SV2B: variants seen among roughly 807,000 people sequenced by gnomAD.
The protein encoded by SV2B is synaptic vesicle glycoprotein 2B, also known as solute carrier family 22 member B2.
A neutral mutation model predicts 73.9 loss-of-function variants in SV2B; 41 were observed. That is an observed-to-expected ratio of 0.56 (90% CI 0.43 to 0.72). The LOEUF is 0.72. SV2B is among the 30% of genes least tolerant of loss of function. The pLI, the probability that SV2B is intolerant of heterozygous loss-of-function variation, is 0.00. For synonymous variants in SV2B, 314 were observed against 314.2 expected, an observed-to-expected ratio of 1.00 and a Z score of 0.01; for missense variants, 764 against 857.8, an observed-to-expected ratio of 0.89 and a Z score of 1.37.
chr15:91,202,599 C>T (rs901713144), intron 1 of SV2B, among the ~76,000 whole-genome samples: 4 of 152,192 alleles, frequency 2.6e-5, no homozygotes, highest in African/African-American at 4.8e-5. Context: ...GTGGCTGGCA[C>T]ATGGTACCTG....
rs1264250619 is a variant in SV2B at position 91,280,509 on chromosome 15, A to G, written c.1374-1219A>G. The stretch of plus-strand genomic sequence containing the variant: ...AAGTGAATGAATAGAAGAATGAAAG[A>G]AAGTGTTGTAATTATTTGCAAATGA... On this transcript the variant is annotated intron_variant, in intron 9 of 12. Coordinates refer to ENST00000394232, the MANE Select transcript of SV2B (RefSeq NM_001323032.3). This position sits in a 1 kb window ranked among gnomAD's most constrained non-coding sequence, Gnocchi z 5.8. Among the ~76,000 whole-genome samples, 1 of 152,258 alleles carries G rather than the reference A, an allele frequency of 6.6e-6. No individual in the cohort carries two copies. Among genetic ancestry groups the G allele is most frequent in the African/African-American group, 2.4e-5 (1 of 41,470 alleles).
chr15:91,201,493 C>T (rs1292531889), intron 1 of SV2B, among the ~76,000 whole-genome samples: 3 of 152,194 alleles, frequency 2.0e-5, no homozygotes, highest in Non-Finnish European at 4.4e-5. Flanking sequence ...TCTGGGTAGC[C>T]TGGCTGTAGA....
chr15:91,173,403 G>C (rs942103313), intron 1 of SV2B, among the ~76,000 whole-genome samples: 1 of 152,108 alleles, frequency 6.6e-6, no homozygotes, highest in African/African-American at 2.4e-5. Context: ...GCTTAGGCAG[G>C]GTCTGATCTT....
rs184366556 is a variant in SV2B at position 91,269,523 on chromosome 15, C to T, written c.1373+918C>T. ...CCACTTCAATACAAAATTAACACCACGAATTCTCACCTCTGGTGAATGTTG... is the reference window on the plus strand; with the variant it reads ...CCACTTCAATACAAAATTAACACCATGAATTCTCACCTCTGGTGAATGTTG... On this transcript the variant is annotated intron_variant, in intron 9 of 12. Transcript: ENST00000394232. 9.7e-4 allele frequency among the ~76,000 whole-genome samples: 148 copies of T among 152,296 alleles called. 1 individual carries two copies. Among genetic ancestry groups the T allele is most frequent in the African/African-American group, 2.5e-3 (102 of 41,562 alleles).
chr15:91,176,036 C>T (rs2044293258), intron 1 of SV2B, among the ~76,000 whole-genome samples: 2 of 151,496 alleles, frequency 1.3e-5, no homozygotes, highest in South Asian at 2.1e-4. Flanking sequence ...CTATCCCTCC[C>T]CCTTCCCCCC....
rs941428303 is a variant in SV2B, at chr15:91,118,252, A to G, written c.-392+17889A>G. Among the ~76,000 whole-genome samples, 3 of 152,088 alleles carry G rather than the reference A, an allele frequency of 2.0e-5. No individual in the cohort carries two copies. Among genetic ancestry groups the G allele is most frequent in the Non-Finnish European group, 1.5e-5 (1 of 68,014 alleles). On this transcript the variant is annotated intron_variant, in intron 1 of 12. Coordinates refer to ENST00000394232, the MANE Select transcript of SV2B (RefSeq NM_001323032.3). The surrounding 1 kb of genome is among the most constrained non-coding windows in gnomAD (Gnocchi z 4.7). ...GTTTGCTGATCCATGGTTCTGGTGG[A>G]ATGGAGTCTACTATTCAGGAGAGTG... is the stretch of plus-strand genomic sequence containing the variant.
chr15:91,195,606 T>C (rs886908749), intron 1 of SV2B, among the ~76,000 whole-genome samples: 9 of 152,246 alleles, frequency 5.9e-5, no homozygotes, highest in African/African-American at 1.9e-4. Flanking sequence ...GTTTCTATTA[T>C]GGCAGCATGG....
rs1370344365 is a variant in SV2B, at chr15:91,185,258, G to GA, written c.-391-40608dup. On this transcript the variant is annotated intron_variant, in intron 1 of 12. Coordinates refer to ENST00000394232, the MANE Select transcript of SV2B (RefSeq NM_001323032.3). ...CTAATCCAATTAAAGGATATTTAAG[G>GA]AAAAAAATGAACGTCTTCAAAATCA... Among the ~76,000 whole-genome samples, 6 of 152,104 alleles carry GA rather than the reference G, an allele frequency of 3.9e-5. No individual in the cohort carries two copies. The East Asian group carries it at 9.7e-4, about 24-fold the overall frequency.
rs182544196 is a variant in SV2B, at chr15:91,152,746, A to G, written c.-392+52383A>G. Among the ~76,000 whole-genome samples the G allele has an allele frequency of 3.4e-3, 514 of 152,318 alleles. 6 individuals carry two copies. Among genetic ancestry groups the G allele is most frequent in the Non-Finnish European group, 3.4e-3 (232 of 68,026 alleles). ...AGCAAAGGTCAGAAAGGAAACAGAA[A>G]GGAAAGAGGTTTTCTTTCTGAGCTT... On this transcript the variant is annotated intron_variant, in intron 1 of 12. Coordinates refer to ENST00000394232, the MANE Select transcript of SV2B (RefSeq NM_001323032.3).
chr15:91,137,854 T>C lies in SV2B; in HGVS notation c.-392+37491T>C, dbSNP rs1267435852. On this transcript the variant is annotated intron_variant, in intron 1 of 12. Transcript: ENST00000394232. The surrounding 1 kb of genome is among the most constrained non-coding windows in gnomAD (Gnocchi z 4.9). ...ACCAACTTATTATTTTGAAAACTGG[T>C]AAATAAGAAGAGAGAATCAGGTGTT... Among the ~76,000 whole-genome samples the C allele has an allele frequency of 6.6e-6, 1 of 151,904 alleles. No homozygotes were observed. The highest frequency in any genetic ancestry group is 2.4e-5 in the African/African-American group (1 of 41,366).
chr15:91,216,368 G>A (rs2046025162), intron 1 of SV2B, among the ~76,000 whole-genome samples: 4 of 152,198 alleles, frequency 2.6e-5, no homozygotes, highest in Admixed American at 6.5e-5. Flanking sequence ...ACTTGTGGAT[G>A]TAAATAGAAG....
At chr15:91,273,577 T>G (rs984658088) in intron 9 of SV2B, among the ~76,000 whole-genome samples, 1 of 152,208 alleles carries the variant, frequency 6.6e-6, no homozygotes, top group Non-Finnish European at 1.5e-5. Context: ...CTCTGAGCTC[T>G]CTGATAGTTC....
At chr15:91,189,777 A>G (rs1176097406) in intron 1 of SV2B, among the ~76,000 whole-genome samples, 1 of 152,236 alleles carries the variant, frequency 6.6e-6, no homozygotes, top group Admixed American at 6.5e-5. Flanking sequence ...TCACGAGGTC[A>G]GGAGATCGAG....
chr15:91,108,350 G>T (rs942556285), intron 1 of SV2B, among the ~76,000 whole-genome samples: 1 of 152,148 alleles, frequency 6.6e-6, no homozygotes, highest in Non-Finnish European at 1.5e-5. Flanking sequence ...CTGCAGTGTC[G>T]CATAGTTTGT....
In SV2B at chr15:91,252,738, C is replaced by A. The variant is rs1374756648; in HGVS notation, c.784+218C>A. 6.6e-6 allele frequency among the ~76,000 whole-genome samples: 1 copy of A among 152,078 alleles called. No individual in the cohort carries two copies. The highest frequency in any genetic ancestry group is 1.5e-5 in the Non-Finnish European group (1 of 68,018). On this transcript the variant is annotated intron_variant, in intron 4 of 12. Coordinates refer to ENST00000394232, the MANE Select transcript of SV2B (RefSeq NM_001323032.3). The surrounding 1 kb of genome is among the most constrained non-coding windows in gnomAD (Gnocchi z 4.6). The stretch of plus-strand genomic sequence containing the variant: ...TCCTGTCCTCCCTCTTTTCCTCCTT[C>A]CTTCCCTTCCTTCATTCTTCCCTTT...
Position 91,231,989 on chromosome 15 carries a change from T to A in SV2B, c.451+5275T>A, listed in dbSNP as rs1232309414. On this transcript the variant is annotated intron_variant, in intron 2 of 12. Coordinates refer to ENST00000394232, the MANE Select transcript of SV2B (RefSeq NM_001323032.3). This position sits in a 1 kb window ranked among gnomAD's most constrained non-coding sequence, Gnocchi z 4.5. The stretch of plus-strand genomic sequence containing the variant: ...CAGCTCAGAGATAGATATATTACTC[T>A]GCTGTCGTGAAAGATTATCTTGTGA... 1.3e-5 allele frequency among the ~76,000 whole-genome samples: 2 copies of A among 152,218 alleles called. No individual in the cohort carries two copies. Among genetic ancestry groups the A allele is most frequent in the Non-Finnish European group, 2.9e-5 (2 of 68,038 alleles).
At position 91,288,657 on chromosome 15, in the gene SV2B, CTCCT is replaced by C. The variant is rs1055864910; in HGVS notation, c.1709-849_1709-846del. ...CTCTTCTTTCTTTCTCTCTCTCTCT[CTCCT>C]TCCTTCCTTCCTTCTTTTTCTCTTT... On this transcript the variant is annotated intron_variant, in intron 11 of 12. Transcript: ENST00000394232. This position sits in a 1 kb window ranked among gnomAD's most constrained non-coding sequence, Gnocchi z 5.8. Among the ~76,000 whole-genome samples the C allele has an allele frequency of 9.3e-5, 14 of 151,000 alleles. No individual in the cohort carries two copies. Among genetic ancestry groups the C allele is most frequent in the African/African-American group, 2.2e-4 (9 of 41,148 alleles).
rs910562399 is a variant in SV2B at position 91,281,065 on chromosome 15, G to A, written c.1374-663G>A. 6.6e-6 allele frequency among the ~76,000 whole-genome samples: 1 copy of A among 152,174 alleles called. No homozygotes were observed. The highest frequency in any genetic ancestry group is 1.5e-5 in the Non-Finnish European group (1 of 68,042). On this transcript the variant is annotated intron_variant, in intron 9 of 12. Coordinates refer to ENST00000394232, the MANE Select transcript of SV2B (RefSeq NM_001323032.3). The surrounding 1 kb of genome is among the most constrained non-coding windows in gnomAD (Gnocchi z 4.7). ...TATATGGCATCTATTACATATGTAT[G>A]TATGTAGTAATCCATTGTTGTTACA...
chr15:91,112,357 T>C (rs539230972), intron 1 of SV2B, among the ~76,000 whole-genome samples: 1 of 152,304 alleles, frequency 6.6e-6, no homozygotes, highest in East Asian at 1.9e-4. Context: ...AGCCACGATG[T>C]GTGGCCGGGT....
Sources: gnomAD v4.1 joint callset for allele counts (sites outside exome capture counted in the v4.1 genomes callset) on GRCh38, gnomAD v4.1.1 for gene constraint, Gnocchi (gnomAD v3.1) non-coding constraint, MANE v1.5 for transcripts, NCBI Gene and HGNC (gene_info 2026-07-23, HGNC 2026-07-21) for gene names.